TEAD2: variants seen among roughly 807,000 people sequenced by gnomAD.
The protein encoded by TEAD2 is transcriptional enhancer factor TEF-4.
TEAD2 carries 51 observed loss-of-function variants against 61.4 expected under a neutral mutation model. That is an observed-to-expected ratio of 0.83 (90% confidence interval 0.66 to 1.05). The LOEUF (loss-of-function observed/expected upper bound fraction) is 1.05. TEAD2 is among the 50% of genes least tolerant of loss of function. The probability of loss-of-function intolerance (pLI) is 0.00; values close to 1 mark genes in which losing one functional copy is unlikely to be tolerated. For synonymous variants in TEAD2, 244 were observed against 243.2 expected (o/e 1.00, Z -0.03); for missense variants, 509 against 600.0 (o/e 0.85, Z 1.58).
chr19:49,349,378 G>A (rs1426287582), intron 8 of TEAD2, among the ~76,000 whole-genome samples: 5 of 151,866 alleles, frequency 3.3e-5, no homozygotes, highest in Non-Finnish European at 7.4e-5. Flanking sequence ...CAGGAGAATG[G>A]CTTGAACCCA....
chr19:49,357,500 G>A (rs1487510991), intron 3 of TEAD2, 186 bp from the exon 4 acceptor site: 3 of 651,204 alleles, frequency 4.6e-6, no homozygotes, highest in East Asian at 2.7e-5. Context: ...TGAACACCAC[G>A]GACCCTCCCG....
chr19:49,353,488 A>G (rs1355874805), intron 7 of TEAD2, among the ~76,000 whole-genome samples: 1 of 152,126 alleles, frequency 6.6e-6, no homozygotes. Flanking sequence ...CCTCCACCCC[A>G]GAACCTGCTG....
At position 49,348,741 on chromosome 19, in the gene TEAD2, A is replaced by C. The variant is rs1426109103; in HGVS notation, c.709T>G (p.Phe237Val). The C allele has an allele frequency of 6.2e-7, 1 of 1,613,474 alleles. No homozygotes were observed. The highest frequency in any genetic ancestry group is 8.5e-7 in the Non-Finnish European group (1 of 1,179,840). Residue 237 changes from phenylalanine to valine, a missense_variant, in exon 9 of 13, where the codon TTC (phenylalanine) becomes GTC (valine). Transcript: ENST00000593945. ...TCTGGCGGTTCCACGAAGGCTGAGA[A>C]CTCTACCAGCTGCAACCGGGCGGTG... ...LGTARLQLVE[F>V]SAFVEPPDAV...
chr19:49,342,065 G>A (rs1762783812), intron 12 of TEAD2, among the ~76,000 whole-genome samples: 1 of 152,090 alleles, frequency 6.6e-6, no homozygotes, highest in South Asian at 2.1e-4. Flanking sequence ...GGTGGGGCGT[G>A]CCTGTAATCC....
chr19:49,348,614 A>C, intron 9 of TEAD2, 89 bp downstream of exon 9: 1 of 1,232,698 alleles, frequency 8.1e-7, no homozygotes, highest in South Asian at 1.2e-5. Flanking sequence ...ATACATGCTA[A>C]AGTTTTAAAA....
rs1971422391 is a variant in TEAD2, at chr19:49,343,358, G to A, written c.962C>T (p.Ala321Val). The change falls in exon 11 of 13, where the codon GCC becomes GTC. Residue 321 changes from alanine to valine, a missense_variant. Physicochemically the swap from Ala to Val is moderately conservative, Grantham distance 64. Coordinates refer to ENST00000593945, the MANE Select transcript of TEAD2 (RefSeq NM_001256660.2). ...NWGPSGEEAG[A>V]GGSISSGGFY... The stretch of plus-strand genomic sequence containing the variant: ...GCCACCACTGCTGATGCTGCCACCG[G>A]CCCCTGCCTCCTCACCACTTGGGCC... 2 of 1,612,950 alleles carry A rather than the reference G, an allele frequency of 1.2e-6. No individual in the cohort carries two copies. The highest frequency in any genetic ancestry group is 1.7e-6 in the Non-Finnish European group (2 of 1,179,718).
chr19:49,358,599 C>G (rs1335283070), intron 3 of TEAD2, among the ~76,000 whole-genome samples: 1 of 151,966 alleles, frequency 6.6e-6, no homozygotes, highest in African/African-American at 2.4e-5. Context: ...GCCTGCAGAA[C>G]TGTGAGCCAA....
At position 49,351,372 on chromosome 19, in the gene TEAD2, GA is replaced by G. The variant is rs36035879; in HGVS notation, c.540-8del. On this transcript the variant is annotated splice_polypyrimidine_tract_variant and splice_region_variant and intron_variant, in intron 7 of 12. Coordinates refer to ENST00000593945, the MANE Select transcript of TEAD2 (RefSeq NM_001256660.2). ...CTGTGAGAATGGCTTCACACTGAGG[GA>G]AAAAGGAAGCCAGGGGTTAGCCAGG... 5 of 1,606,634 alleles carry G rather than the reference GA, an allele frequency of 3.1e-6. No homozygotes were observed. Among genetic ancestry groups the G allele is most frequent in the Admixed American group, 3.4e-5 (2 of 58,204 alleles).
intron 3 of TEAD2, 102 bp from the exon 4 acceptor site, chr19:49,357,416 G>A: frequency 8.1e-7 from 1 of 1,227,398 alleles, no homozygotes; most frequent in Non-Finnish European, 1.2e-6. Context: ...GCTGGACCAT[G>A]AAAGGTGAAA....
intron 7 of TEAD2, among the ~76,000 whole-genome samples, chr19:49,353,730 C>T (rs1972173190): frequency 6.6e-6 from 1 of 151,840 alleles, no homozygotes; most frequent in South Asian, 2.1e-4. Flanking sequence ...CAGCAGCTCC[C>T]CAGTGACCTT....
In TEAD2 at chr19:49,355,210, G is replaced by A; in HGVS notation, c.481-4C>T. ...AAAACTGGAAAAGCTCAGAGGCCTG[G>A]ATAGGACACAAAGAAAAATGGTTGG... On this transcript the variant is annotated splice_region_variant and splice_polypyrimidine_tract_variant and intron_variant, in intron 6 of 12. Coordinates refer to ENST00000593945, the MANE Select transcript of TEAD2 (RefSeq NM_001256660.2). 6.2e-7 allele frequency: 1 copy of A among 1,613,428 alleles called. No individual in the cohort carries two copies. The highest frequency in any genetic ancestry group is 1.7e-5 in the Admixed American group (1 of 59,922).
intron 10 of TEAD2, among the ~76,000 whole-genome samples, chr19:49,345,683 C>T (rs1322134238): frequency 2.0e-5 from 3 of 152,052 alleles, no homozygotes; most frequent in Non-Finnish European, 2.9e-5. Flanking sequence ...TAGATCCCTC[C>T]ACCACCTTTG....
intron 3 of TEAD2, chr19:49,357,746 G>A: frequency 4.3e-6 from 1 of 231,144 alleles, no homozygotes; most frequent in Non-Finnish European, 8.8e-6. Flanking sequence ...AACCCCTCAT[G>A]AATGGCTTTG....
At chr19:49,361,627 T>C (rs1972947807) in intron 1 of TEAD2, 1 of 146,996 alleles carries the variant, frequency 6.8e-6, no homozygotes, top group Non-Finnish European at 1.5e-5. Context: ...CCGTGCGCCG[T>C]GGGCTCTGAT....
chr19:49,341,294 TG>T lies in TEAD2; in HGVS notation c.*29del, dbSNP rs1971239552. The T allele has an allele frequency of 6.3e-7, 1 of 1,589,560 alleles. No individual in the cohort carries two copies. Among genetic ancestry groups the T allele is most frequent in the Non-Finnish European group, 8.6e-7 (1 of 1,158,356 alleles). On this transcript the variant is annotated 3_prime_UTR_variant, in exon 13 of 13. Transcript: ENST00000593945. The surrounding 1 kb of genome is among the most constrained non-coding windows in gnomAD (Gnocchi z 4.2). ...GACCCTCCCTGGGAGGAGGGTGTTCTGGGGGGTGAGCCAGTTTTGGGGTCCC... is the reference window on the plus strand; with the variant it reads ...GACCCTCCCTGGGAGGAGGGTGTTCTGGGGGTGAGCCAGTTTTGGGGTCCC...
chr19:49,350,752 C>A (rs1379675464), intron 8 of TEAD2, among the ~76,000 whole-genome samples: 2 of 152,182 alleles, frequency 1.3e-5, no homozygotes, highest in Non-Finnish European at 2.9e-5. Flanking sequence ...TGGCAGAACA[C>A]AAACCCAGTG....
At chr19:49,350,955 CG>C (rs1971980659) in intron 8 of TEAD2, among the ~76,000 whole-genome samples, 1 of 151,934 alleles carries the variant, frequency 6.6e-6, no homozygotes, top group Non-Finnish European at 1.5e-5. Flanking sequence ...CCGAGGCAGG[CG>C]GATCACAATA....
chr19:49,355,198 C>T lies in TEAD2; in HGVS notation c.489G>A (p.Glu163=), dbSNP rs368563257. The change falls in exon 7 of 13, where the codon GAG becomes GAA. Residue 163 remains glutamate, a synonymous_variant. Transcript: ENST00000593945. ...ATCCTCCAGACCAAAACTGGAAAAG[C>T]TCAGAGGCCTGGATAGGACACAAAG... ...KLGPTGPQAS[E]LFQFWSGGSG... 14 of 1,612,994 alleles carry T rather than the reference C, an allele frequency of 8.7e-6. No homozygotes were observed. In the African/African-American group the frequency reaches 1.7e-4, roughly 20 times the overall value.
At chr19:49,347,827 T>C (rs903829476) in intron 9 of TEAD2, among the ~76,000 whole-genome samples, 1 of 152,192 alleles carries the variant, frequency 6.6e-6, no homozygotes, top group Non-Finnish European at 1.5e-5. Flanking sequence ...AGTGAATGAA[T>C]GGGAATCCAC....
Sources: gnomAD v4.1 joint callset for allele counts (sites outside exome capture counted in the v4.1 genomes callset) on GRCh38, gnomAD v4.1.1 for gene constraint, Gnocchi (gnomAD v3.1) non-coding constraint, MANE v1.5 for transcripts, NCBI Gene and HGNC (gene_info 2026-07-23, HGNC 2026-07-21) for gene names.